DPT: variants seen among roughly 807,000 people sequenced by gnomAD.
DPT encodes the protein tyrosine-rich acidic matrix protein.
Under a neutral mutation model 31.2 loss-of-function variants are expected in DPT, and 21 were observed. The ratio of observed to expected loss-of-function variants is 0.67; its 90% CI spans 0.48 to 0.97. The LOEUF (loss-of-function observed/expected upper bound fraction) is 0.97. Among genes scored for constraint, DPT ranks in the 50% least tolerant of loss-of-function variants. The probability of loss-of-function intolerance (pLI) is 0.00; values close to 1 mark genes in which losing one functional copy is unlikely to be tolerated. For missense variants in DPT, 262 were observed against 258.8 expected (o/e 1.01, Z -0.08); for synonymous variants, 91 against 86.9 (o/e 1.05, Z -0.26).
chr1:168,702,612 C>CTTTTTTTTTT lies in DPT; in HGVS notation c.432-1498_432-1489dup, dbSNP rs10656421. ...AGGACTTTACCTTTCAGGTAAATGT[C>CTTTTTTTTTT]TTTTTTTTTTTTTTTTTGAGACCAA... On this transcript the variant is annotated intron_variant, in intron 2 of 3. Transcript: ENST00000367817. 1.0e-3 allele frequency among the ~76,000 whole-genome samples: 137 copies of CTTTTTTTTTT among 132,388 alleles called. 1 individual carries two copies. Among genetic ancestry groups the CTTTTTTTTTT allele is most frequent in the African/African-American group, 3.8e-3 (135 of 35,270 alleles). 86.9% of individuals were successfully genotyped at this position (132,388 alleles called of 152,430 possible).
intron 3 of DPT, among the ~76,000 whole-genome samples, chr1:168,700,492 C>A (rs1043336750): frequency 6.6e-6 from 1 of 152,176 alleles, no homozygotes; most frequent in Non-Finnish European, 1.5e-5. Context: ...CTTCTCTCTT[C>A]TTTCCTAAAA....
intron 2 of DPT, among the ~76,000 whole-genome samples, chr1:168,713,907 T>C (rs1237965438): frequency 6.6e-6 from 1 of 152,022 alleles, no homozygotes; most frequent in Non-Finnish European, 1.5e-5. Flanking sequence ...AGAACAGCAC[T>C]GGGATGGGAG....
At chr1:168,702,185 T>G (rs547251760) in intron 2 of DPT, among the ~76,000 whole-genome samples, 1 of 152,218 alleles carries the variant, frequency 6.6e-6, no homozygotes, top group African/African-American at 2.4e-5. Context: ...AGTTTGTGAG[T>G]GTCAATAATT....
Position 168,716,732 on chromosome 1 carries a change from G to A in DPT, c.306-2386C>T, listed in dbSNP as rs1208185594. Among the ~76,000 whole-genome samples, 3 of 152,136 alleles carry A rather than the reference G, an allele frequency of 2.0e-5. No individual in the cohort carries two copies. The East Asian group carries it at 5.8e-4, about 29-fold the overall frequency. ...CACTCTACCCCCGACTGGTCCCAGT[G>A]TGTGTTGTTCCCCTCCCTGTGTCAA... On this transcript the variant is annotated intron_variant, in intron 1 of 3. Coordinates refer to ENST00000367817, the MANE Select transcript of DPT (RefSeq NM_001937.5).
chr1:168,711,936 G>C (rs1044744727), intron 2 of DPT, among the ~76,000 whole-genome samples: 1 of 152,188 alleles, frequency 6.6e-6, no homozygotes, highest in Non-Finnish European at 1.5e-5. Flanking sequence ...TGCTTGTGTA[G>C]AGCTTATATT....
At chr1:168,710,230 G>A (rs1649820175) in intron 2 of DPT, among the ~76,000 whole-genome samples, 1 of 152,130 alleles carries the variant, frequency 6.6e-6, no homozygotes, top group African/African-American at 2.4e-5. Context: ...CTTCTCCAAT[G>A]TTTTCTTTGA....
Position 168,714,481 on chromosome 1 carries a change from A to G in DPT, c.306-135T>C, listed in dbSNP as rs74122771. 17,017 of 1,133,840 alleles carry G rather than the reference A, an allele frequency of 0.015. 1,895 individuals are homozygous for G. The African/African-American group carries it at 0.24, about 16-fold the overall frequency. 70.2% of individuals were successfully genotyped at this position (1,133,840 alleles called of 1,614,324 possible). A position where few individuals can be genotyped will look rare whatever the true frequency, so the allele number is the denominator to read the frequency against. Reference sequence around the variant, plus strand: ...CAATTTATTCCATTTTATGCAAATAATAGTCTTTATTATATTTGTAGAAAT... The same window carrying G: ...CAATTTATTCCATTTTATGCAAATAGTAGTCTTTATTATATTTGTAGAAAT... On this transcript the variant is annotated intron_variant, in intron 1 of 3. Transcript: ENST00000367817.
intron 3 of DPT, among the ~76,000 whole-genome samples, chr1:168,699,597 T>A (rs561770731): frequency 5.3e-4 from 79 of 150,186 alleles, no homozygotes; most frequent in Middle Eastern, 6.8e-3. Context: ...TTTTTTTTTT[T>A]TTAAAAAAAA....
Position 168,701,048 on chromosome 1 carries a change from C to T in DPT, c.508G>A (p.Gly170Arg). ...ISYNYDYYIR[G>R]ATTTFSAVER... ...ACTGCAGAGAAAGTGGTTGTTGCTC[C>T]TCGGATATAGTAATCATAATTGTAG... Residue 170 changes from glycine (G) to arginine (R), a missense_variant, in exon 3 of 4, where the codon GGA becomes AGA. Physicochemically the swap from Gly to Arg is moderately radical, Grantham distance 125 (BLOSUM62 -2). Transcript: ENST00000367817. 6.2e-7 allele frequency: 1 copy of T among 1,613,848 alleles called. No homozygotes were observed.
rs112968684 is a variant in DPT, at chr1:168,727,014, C to G, written c.305+1856G>C. ...CAGTCCGGCTGAGCCCCTCCACAGTCCTGGTAACCAAGTAGGGATCATCCC... is the reference window on the plus strand; with the variant it reads ...CAGTCCGGCTGAGCCCCTCCACAGTGCTGGTAACCAAGTAGGGATCATCCC... On this transcript the variant is annotated intron_variant, in intron 1 of 3. Coordinates refer to ENST00000367817, the MANE Select transcript of DPT (RefSeq NM_001937.5). Among the ~76,000 whole-genome samples, 261 of 152,340 alleles carry G rather than the reference C, an allele frequency of 1.7e-3. 1 individual carries two copies. The highest frequency in any genetic ancestry group is 6.0e-3 in the African/African-American group (248 of 41,576).
chr1:168,708,972 TA>T (rs942450264), intron 2 of DPT, among the ~76,000 whole-genome samples: 2 of 152,092 alleles, frequency 1.3e-5, no homozygotes, highest in African/African-American at 4.8e-5. Context: ...TACAGGAATT[TA>T]AAAAAAGCAC....
At chr1:168,721,480 C>T (rs190206104) in intron 1 of DPT, among the ~76,000 whole-genome samples, 57 of 152,310 alleles carry the variant, frequency 3.7e-4, no homozygotes, top group Non-Finnish European at 3.2e-4. Context: ...AGACAGGCTA[C>T]ATCCTAGTCA....
chr1:168,696,996 T>G (rs1649482036), intron 3 of DPT, among the ~76,000 whole-genome samples: 1 of 152,158 alleles, frequency 6.6e-6, no homozygotes, highest in Admixed American at 6.5e-5. Context: ...GCTTGGTAGC[T>G]AACACCTGCA....
intron 1 of DPT, among the ~76,000 whole-genome samples, chr1:168,727,222 T>C (rs1650267015): frequency 6.6e-6 from 1 of 152,190 alleles, no homozygotes; most frequent in African/African-American, 2.4e-5. Context: ...ACAAACTCTT[T>C]GAAGCAAAGA....
intron 2 of DPT, 61 bp downstream of exon 2, chr1:168,714,160 A>G: frequency 6.2e-7 from 1 of 1,609,642 alleles, no homozygotes. Flanking sequence ...AAGCTAGAGC[A>G]CTTCCTAGGT....
chr1:168,727,445 C>G (rs900671859), intron 1 of DPT, among the ~76,000 whole-genome samples: 3 of 152,184 alleles, frequency 2.0e-5, no homozygotes, highest in Admixed American at 6.5e-5. Context: ...CTGGCTCCCC[C>G]ACCCATCGGT....
chr1:168,720,065 G>A (rs1256102478), intron 1 of DPT, among the ~76,000 whole-genome samples: 1 of 152,192 alleles, frequency 6.6e-6, no homozygotes, highest in African/African-American at 2.4e-5. Context: ...GCAGTGGGGT[G>A]CAGGGGAAAG....
intron 2 of DPT, among the ~76,000 whole-genome samples, chr1:168,710,368 G>A (rs182998516): frequency 2.2e-3 from 334 of 152,288 alleles, no homozygotes; most frequent in African/African-American, 7.8e-3. Flanking sequence ...CATGCCTTTT[G>A]GATTAATTCT....
At chr1:168,716,573 A>G (rs1282901860) in intron 1 of DPT, among the ~76,000 whole-genome samples, 1 of 152,062 alleles carries the variant, frequency 6.6e-6, no homozygotes, top group Non-Finnish European at 1.5e-5. Context: ...GTTCCGGGAT[A>G]CAAGTACAGA....
Sources: allele counts gnomAD v4.1 joint callset (sites outside exome capture counted in the v4.1 genomes callset), GRCh38; gene constraint gnomAD v4.1.1; transcripts MANE v1.5; gene names NCBI Gene and HGNC (gene_info 2026-07-23, HGNC 2026-07-21).